DNAH14: variants seen among roughly 807,000 people sequenced by gnomAD.
DNAH14 encodes the protein axonemal beta dynein heavy chain 14.
DNAH14 carries 478 observed loss-of-function variants against 520.9 expected under a neutral mutation model. That is an observed-to-expected ratio of 0.92 (90% confidence interval 0.85 to 0.99). The LOEUF (loss-of-function observed/expected upper bound fraction) is 0.99, where lower values mean the gene tolerates loss of function less well. Among genes scored for constraint, DNAH14 ranks in the 50% least tolerant of loss-of-function variants. DNAH14 has a pLI of 0.00. For synonymous variants in DNAH14, 1,581 were observed against 1,757.2 expected, an observed-to-expected ratio of 0.90 and a Z score of 2.51; for missense variants, 4,831 against 5,234.5, an observed-to-expected ratio of 0.92 and a Z score of 2.38.
intron 55 of DNAH14, among the ~76,000 whole-genome samples, chr1:225,295,938 A>C (rs2093996374): frequency 6.6e-6 from 1 of 152,170 alleles, no homozygotes; most frequent in Non-Finnish European, 1.5e-5. Context: ...TTGGGTACAT[A>C]TATATTTACA....
chr1:225,114,964 GC>G (rs2076760499), intron 23 of DNAH14, among the ~76,000 whole-genome samples: 1 of 152,198 alleles, frequency 6.6e-6, no homozygotes, highest in Admixed American at 6.5e-5. Flanking sequence ...GTATGAAGAT[GC>G]TTTTTTCATA....
intron 17 of DNAH14, among the ~76,000 whole-genome samples, chr1:225,055,726 C>T (rs1437493324): frequency 6.7e-6 from 1 of 148,538 alleles, no homozygotes; most frequent in African/African-American, 2.5e-5. Flanking sequence ...TGATGTTCCC[C>T]TTCCTGTTTC....
chr1:225,173,323 A>G (rs1338544640), intron 36 of DNAH14, among the ~76,000 whole-genome samples: 1 of 152,202 alleles, frequency 6.6e-6, no homozygotes, highest in Non-Finnish European at 1.5e-5. Context: ...TCAACAGGCA[A>G]CCTACAGAAT....
intron 7 of DNAH14, among the ~76,000 whole-genome samples, chr1:224,971,637 A>G (rs1416522034): frequency 6.6e-6 from 1 of 152,226 alleles, no homozygotes; most frequent in Admixed American, 6.5e-5. Context: ...TAGGTTGGTC[A>G]GAGATGTGGC....
At chr1:225,224,482 A>G (rs965947490) in intron 41 of DNAH14, among the ~76,000 whole-genome samples, 1 of 151,956 alleles carries the variant, frequency 6.6e-6, no homozygotes, top group African/African-American at 2.4e-5. Context: ...GCCACAGATG[A>G]TGCAGTCAGT....
intron 8 of DNAH14, among the ~76,000 whole-genome samples, chr1:225,002,502 A>G (rs1367273185): frequency 4.6e-5 from 7 of 152,144 alleles, no homozygotes; most frequent in Admixed American, 6.6e-5. Flanking sequence ...ATACTTCCTC[A>G]TATTTCAAAA....
intron 15 of DNAH14, among the ~76,000 whole-genome samples, chr1:225,045,142 C>A (rs1239793980): frequency 6.6e-6 from 1 of 152,034 alleles, no homozygotes; most frequent in Non-Finnish European, 1.5e-5. Context: ...GAACTAAGTT[C>A]TTACCAATCT....
At chr1:225,215,375 T>A (rs1237096846) in intron 41 of DNAH14, among the ~76,000 whole-genome samples, 1 of 152,204 alleles carries the variant, frequency 6.6e-6, no homozygotes. Context: ...GAGAAGAATG[T>A]ATATTCTGTT....
At chr1:225,375,156 A>G (rs1241830059) in intron 78 of DNAH14, among the ~76,000 whole-genome samples, 1 of 152,192 alleles carries the variant, frequency 6.6e-6, no homozygotes, top group African/African-American at 2.4e-5. Flanking sequence ...TTTATAAATC[A>G]ACGATTCCAT....
intron 11 of DNAH14, among the ~76,000 whole-genome samples, chr1:225,027,724 G>A (rs576839792): frequency 3.3e-5 from 5 of 152,098 alleles, no homozygotes; most frequent in African/African-American, 1.2e-4. Flanking sequence ...CCTTAATCCA[G>A]TCACCTTCCA....
At chr1:225,088,431 A>T (rs2074027281) in intron 21 of DNAH14, among the ~76,000 whole-genome samples, 1 of 152,202 alleles carries the variant, frequency 6.6e-6, no homozygotes, top group South Asian at 2.1e-4. Context: ...AGAAGAAAAG[A>T]TTGGTGAACT....
At chr1:225,087,042 C>A (rs2073901064) in intron 21 of DNAH14, among the ~76,000 whole-genome samples, 1 of 148,228 alleles carries the variant, frequency 6.7e-6, no homozygotes, top group South Asian at 2.1e-4. Flanking sequence ...ACACAGCCTT[C>A]TACTTCTAAG....
At chr1:225,162,717 A>G (rs2081635063) in intron 35 of DNAH14, among the ~76,000 whole-genome samples, 1 of 152,138 alleles carries the variant, frequency 6.6e-6, no homozygotes, top group South Asian at 2.1e-4. Flanking sequence ...TCAGTGTTTT[A>G]TAGTTTTCAT....
chr1:225,336,622 A>G (rs541043829), intron 66 of DNAH14, among the ~76,000 whole-genome samples: 2 of 152,320 alleles, frequency 1.3e-5, no homozygotes, highest in East Asian at 3.9e-4. Flanking sequence ...CTTAATGAGA[A>G]TATATAGAGC....
At chr1:225,001,598 T>C (rs772847136) in intron 8 of DNAH14, among the ~76,000 whole-genome samples, 10 of 152,164 alleles carry the variant, frequency 6.6e-5, no homozygotes, top group Non-Finnish European at 7.4e-5. Context: ...ATAGTTATTT[T>C]TATGTGCACC....
chr1:225,157,358 A>T (rs1427379850), intron 34 of DNAH14, among the ~76,000 whole-genome samples: 2 of 152,222 alleles, frequency 1.3e-5, no homozygotes, highest in Non-Finnish European at 2.9e-5. Context: ...TATGATGAAG[A>T]CAATCATAAT....
chr1:224,955,840 C>T (rs1362975108), intron 3 of DNAH14, among the ~76,000 whole-genome samples: 1 of 152,026 alleles, frequency 6.6e-6, no homozygotes, highest in Non-Finnish European at 1.5e-5. Context: ...ACAAAACAAC[C>T]CAGAAGCATC....
intron 37 of DNAH14, among the ~76,000 whole-genome samples, chr1:225,186,567 AAAT>A (rs1368694838): frequency 6.6e-6 from 1 of 151,896 alleles, no homozygotes; most frequent in East Asian, 1.9e-4. Flanking sequence ...AAATGTGAAG[AAAT>A]AATAATCACC....
chr1:224,997,537 T>C (rs1386821715), intron 8 of DNAH14, among the ~76,000 whole-genome samples: 2 of 152,030 alleles, frequency 1.3e-5, no homozygotes. Context: ...ACAAGGGTAT[T>C]CTTGTCTGTG....
Sources: gnomAD v4.1 joint callset for allele counts (sites outside exome capture counted in the v4.1 genomes callset) on GRCh38, gnomAD v4.1.1 for gene constraint, MANE v1.5 for transcripts, NCBI Gene and HGNC (gene_info 2026-07-23, HGNC 2026-07-21) for gene names.